Variants in SLC22A24 observed in about 807,000 individuals in gnomAD.
SLC22A24 encodes the protein solute carrier family 22 member 24, also known as steroid transmembrane transporter SLC22A24.
A neutral mutation model predicts 49.8 loss-of-function variants in SLC22A24; 53 were observed. That is an observed-to-expected ratio of 1.06 (90% CI 0.85 to 1.34). The LOEUF (loss-of-function observed/expected upper bound fraction) is 1.34, where lower values mean the gene tolerates loss of function less well. SLC22A24 is among the 40% of genes most tolerant of loss of function. The pLI is 0.00. For synonymous variants in SLC22A24, 302 were observed against 256.4 expected (o/e 1.18, Z -1.70); for missense variants, 786 against 675.9 (o/e 1.16, Z -1.81).
intron 6 of SLC22A24, among the ~76,000 whole-genome samples, chr11:63,094,847 ATTTG>A (rs2087043288): frequency 6.6e-6 from 1 of 151,924 alleles, no homozygotes; most frequent in African/African-American, 2.4e-5. Context: ...TTTCTTGTAA[ATTTG>A]TTTGAGTTCT....
intron 6 of SLC22A24, among the ~76,000 whole-genome samples, chr11:63,085,428 A>G (rs770468390): frequency 6.6e-6 from 1 of 152,182 alleles, no homozygotes; most frequent in Admixed American, 6.5e-5. Flanking sequence ...ACTATCATGT[A>G]TGCCTTAAAT....
intron 6 of SLC22A24, among the ~76,000 whole-genome samples, chr11:63,093,103 G>T (rs1038543554): frequency 3.3e-5 from 5 of 152,168 alleles, no homozygotes; most frequent in African/African-American, 7.2e-5. Context: ...CATCGTCACT[G>T]GTCATTAGAG....
chr11:63,118,645 G>C, intron 4 of SLC22A24: 1 of 549,340 alleles, frequency 1.8e-6, no homozygotes, highest in Non-Finnish European at 3.2e-6. Flanking sequence ...TAATACATTT[G>C]CTTCAAAAAT....
At chr11:63,123,428 C>T (rs971290024) in intron 2 of SLC22A24, among the ~76,000 whole-genome samples, 8 of 152,140 alleles carry the variant, frequency 5.3e-5, no homozygotes, top group African/African-American at 1.7e-4. Context: ...ACCCCTTCCA[C>T]TTTCATAACT....
intron 4 of SLC22A24, among the ~76,000 whole-genome samples, chr11:63,106,530 A>T (rs2087122870): frequency 6.6e-6 from 1 of 151,976 alleles, no homozygotes; most frequent in African/African-American, 2.4e-5. Flanking sequence ...AATGGTTGTC[A>T]CTAGTTTTCC....
chr11:63,081,092 C>G lies in SLC22A24; in HGVS notation c.1426G>C (p.Gly476Arg). 6.4e-7 allele frequency: 1 copy of G among 1,551,608 alleles called. No individual in the cohort carries two copies. The highest frequency in any genetic ancestry group is 1.2e-5 in the South Asian group (1 of 84,058). ...STVAGINAVS[G>R]RTGAALAPLL... is the part of the protein sequence containing the mutation. Reference sequence around the variant, plus strand: ...GGAGCCAGTGCTGCCCCAGTCCTACCGGACACTGCATTGATTCCTGCAACT... The same window carrying G: ...GGAGCCAGTGCTGCCCCAGTCCTACGGGACACTGCATTGATTCCTGCAACT... The change falls in exon 9 of 10, where the codon GGT becomes CGT. Residue 476 changes from glycine (G) to arginine (R), a missense_variant. Transcript: ENST00000612278.
intron 2 of SLC22A24, among the ~76,000 whole-genome samples, chr11:63,130,558 C>G (rs2087326668): frequency 6.6e-6 from 1 of 152,154 alleles, no homozygotes; most frequent in African/African-American, 2.4e-5. Context: ...GGTACCTACT[C>G]CTGTTTGTAC....
intron 5 of SLC22A24, among the ~76,000 whole-genome samples, chr11:63,103,755 A>C (rs1040104573): frequency 6.6e-6 from 1 of 152,156 alleles, no homozygotes; most frequent in Non-Finnish European, 1.5e-5. Context: ...GCTCAATGGG[A>C]TATTTATTGA....
Position 63,083,460 on chromosome 11 carries a change from G to A in SLC22A24, c.1071-3C>T. On this transcript the variant is annotated splice_polypyrimidine_tract_variant and splice_region_variant and intron_variant, in intron 6 of 9. Coordinates refer to ENST00000612278, the MANE Select transcript of SLC22A24 (RefSeq NM_001136506.2). Reference sequence around the variant, plus strand: ...AAAAGGGTACAGTGATTGCGAATCTGAAGTGAATAAAAAGGACAAAGACAT... The same window carrying A: ...AAAAGGGTACAGTGATTGCGAATCTAAAGTGAATAAAAAGGACAAAGACAT... The A allele has an allele frequency of 6.5e-7, 1 of 1,548,518 alleles. No individual in the cohort carries two copies. The highest frequency in any genetic ancestry group is 2.0e-5 in the Admixed American group (1 of 50,898).
intron 6 of SLC22A24, among the ~76,000 whole-genome samples, chr11:63,095,542 G>A (rs2087048697): frequency 1.3e-5 from 2 of 152,088 alleles, no homozygotes; most frequent in Admixed American, 1.3e-4. Flanking sequence ...TGGTGGTTTT[G>A]GAGAAGTATT....
intron 6 of SLC22A24, among the ~76,000 whole-genome samples, chr11:63,084,938 A>ATTTTTTTT (rs35160977): frequency 6.8e-6 from 1 of 146,562 alleles, no homozygotes. Context: ...AGAGGATGGG[A>ATTTTTTTT]TTTTTTTTTT....
At chr11:63,086,892 G>A (rs2086989776) in intron 6 of SLC22A24, among the ~76,000 whole-genome samples, 1 of 151,960 alleles carries the variant, frequency 6.6e-6, no homozygotes, top group South Asian at 2.1e-4. Flanking sequence ...AATACAATTT[G>A]TTAAAAAAAT....
intron 5 of SLC22A24, among the ~76,000 whole-genome samples, chr11:63,102,661 A>AT (rs1484506280): frequency 2.0e-5 from 3 of 152,320 alleles, no homozygotes; most frequent in Admixed American, 2.0e-4. Context: ...GAAAAGCTGA[A>AT]TAAGAGTACC....
At chr11:63,114,637 C>T (rs772033718) in intron 4 of SLC22A24, among the ~76,000 whole-genome samples, 1 of 152,196 alleles carries the variant, frequency 6.6e-6, no homozygotes, top group South Asian at 2.1e-4. Flanking sequence ...AGAAGAGGCA[C>T]TCTGGTTTTT....
At chr11:63,089,878 G>A (rs1024414934) in intron 6 of SLC22A24, among the ~76,000 whole-genome samples, 1 of 151,846 alleles carries the variant, frequency 6.6e-6, no homozygotes, top group Admixed American at 6.6e-5. Context: ...TCAGGAGGTC[G>A]AGACCATCCT....
At chr11:63,096,150 A>AG (rs2087053738) in intron 5 of SLC22A24, 44 bp from the exon 6 acceptor site, 1 of 1,266,210 alleles carries the variant, frequency 7.9e-7, no homozygotes, top group Non-Finnish European at 1.1e-6. Flanking sequence ...AGATGTCAAT[A>AG]ATGTGTCAGG....
At chr11:63,107,091 T>G (rs2087126668) in intron 4 of SLC22A24, among the ~76,000 whole-genome samples, 6 of 152,232 alleles carry the variant, frequency 3.9e-5, no homozygotes, top group Admixed American at 3.9e-4. Flanking sequence ...TTAATCCATC[T>G]TGAAGTAATT....
chr11:63,095,897 A>G lies in SLC22A24; in HGVS notation c.1070+94T>C, dbSNP rs1348674804. The stretch of plus-strand genomic sequence containing the variant: ...TGATTTTCTCTTCTCTTATGTATTA[A>G]ATGTCCTCCAAATGCTGCTGCTAAT... On this transcript the variant is annotated intron_variant, in intron 6 of 9. Transcript: ENST00000612278. The G allele has an allele frequency of 5.4e-6, 5 of 917,736 alleles. No individual in the cohort carries two copies. In the Admixed American group the frequency reaches 1.1e-4, roughly 20 times the overall value. The allele number at this position is 917,736 out of a possible 1,614,324, so 56.8% of individuals were successfully genotyped here.
chr11:63,110,007 C>G (rs893040580), intron 4 of SLC22A24, among the ~76,000 whole-genome samples: 1 of 152,104 alleles, frequency 6.6e-6, no homozygotes, highest in Admixed American at 6.6e-5. Flanking sequence ...TTTAATCCAT[C>G]TTGAATTGAT....
Sources: allele counts gnomAD v4.1 joint callset (sites outside exome capture counted in the v4.1 genomes callset), GRCh38; gene constraint gnomAD v4.1.1; transcripts MANE v1.5; gene names NCBI Gene and HGNC (gene_info 2026-07-23, HGNC 2026-07-21).